Variants in GSN observed in about 807,000 individuals in gnomAD.
The protein encoded by GSN is gelsolin, also known as actin-depolymerizing factor.
GSN carries 56 observed loss-of-function variants against 85.7 expected under a neutral mutation model. The ratio of observed to expected loss-of-function variants is 0.65; its 90% CI spans 0.53 to 0.82. GSN has a LOEUF of 0.82. GSN is among the 40% of genes least tolerant of loss of function. The pLI is 0.00. For synonymous variants in GSN, 373 were observed against 399.1 expected (o/e 0.93, Z 0.78); for missense variants, 857 against 979.8 (o/e 0.87, Z 1.67).
rs1178130182 is a variant in GSN at position 121,329,046 on chromosome 9, T to C, written c.1887+31T>C. On this transcript the variant is annotated intron_variant, in intron 15 of 17. Transcript: ENST00000432226. This position sits in a 1 kb window ranked among gnomAD's most constrained non-coding sequence, Gnocchi z 4.6. ...CCCCTGCGGAGGTCACACCTCTGCT[T>C]TCCCCTCGGGAGGCGAGTTCCACAG... The C allele has an allele frequency of 1.2e-6, 2 of 1,611,486 alleles. No homozygotes were observed. The highest frequency in any genetic ancestry group is 3.3e-5 in the Admixed American group (2 of 59,878).
intron 4 of GSN, among the ~76,000 whole-genome samples, chr9:121,305,039 GTTTC>G (rs2060259007): frequency 6.6e-6 from 1 of 152,172 alleles, no homozygotes; most frequent in East Asian, 1.9e-4. Flanking sequence ...CCTAGTCACT[GTTTC>G]TTAGGGCATA....
At position 121,217,812 on chromosome 9, in the gene GSN, ATT is replaced by A. The variant is rs574772275; in HGVS notation, c.-528+6946_-528+6947del. On this transcript the variant is annotated intron_variant, in intron 4 of 24. Transcript: ENST00000373823. ...AATATAGAAATGTATTATTATTATT[ATT>A]ATTATTATTATTATTATTATTATAA... Among the ~76,000 whole-genome samples, 134 of 147,842 alleles carry A rather than the reference ATT, an allele frequency of 9.1e-4. 1 individual carries two copies. In the East Asian group the frequency reaches 0.019, roughly 21 times the overall value.
intron 4 of GSN, among the ~76,000 whole-genome samples, chr9:121,213,251 G>C (rs1312319837): frequency 6.6e-6 from 1 of 152,186 alleles, no homozygotes; most frequent in Non-Finnish European, 1.5e-5. Flanking sequence ...ATGGCTCCAA[G>C]CAGTCTACAT....
chr9:121,234,005 A>G (rs1219783860), intron 5 of GSN, among the ~76,000 whole-genome samples: 1 of 152,222 alleles, frequency 6.6e-6, no homozygotes, highest in Non-Finnish European at 1.5e-5. Flanking sequence ...TAGTGCTCTA[A>G]GATGTCAGGG....
chr9:121,239,662 A>G (rs1410848461), intron 5 of GSN: 3 of 296,600 alleles, frequency 1.0e-5, no homozygotes, highest in Non-Finnish European at 2.0e-5. Context: ...TTGGTTGGCC[A>G]TCGCATGATA....
At chr9:121,301,917 C>T in intron 2 of GSN, 46 bp from the exon 3 acceptor site, 1 of 1,613,308 alleles carries the variant, frequency 6.2e-7, no homozygotes. Context: ...GGGTCTCTCC[C>T]TGCCAGGACC....
At chr9:121,214,828 G>A (rs989451757) in intron 4 of GSN, among the ~76,000 whole-genome samples, 9 of 152,200 alleles carry the variant, frequency 5.9e-5, no homozygotes, top group Admixed American at 2.6e-4. Flanking sequence ...CCATCTGGCT[G>A]GAGATGTACC....
chr9:121,327,520 G>A lies in GSN; in HGVS notation c.1762+38G>A, dbSNP rs747954917. 88 of 1,512,226 alleles carry A rather than the reference G, an allele frequency of 5.8e-5. 2 individuals are homozygous for A. In the South Asian group the frequency reaches 1.0e-3, roughly 17 times the overall value. 93.7% of individuals were successfully genotyped at this position (1,512,226 alleles called of 1,614,324 possible). On this transcript the variant is annotated intron_variant, in intron 14 of 17. Coordinates refer to ENST00000432226, the MANE Select transcript of GSN (RefSeq NM_198252.3). Reference sequence around the variant, plus strand: ...GTGGGGGGCCTGCTGCTGTCCGGATGCAGCTATTAAGTTTCCCCCTTCTTT... The same window carrying A: ...GTGGGGGGCCTGCTGCTGTCCGGATACAGCTATTAAGTTTCCCCCTTCTTT...
chr9:121,271,214 C>A lies in GSN; in HGVS notation c.-103+2995C>A, dbSNP rs529231639. ...TGAAACCCTGTCTCTACTGAAAATA[C>A]GTGCTGGGATGCTCCTGTAATCCTA... On this transcript the variant is annotated intron_variant, in intron 1 of 17. Transcript: ENST00000432226. Among the ~76,000 whole-genome samples the A allele has an allele frequency of 2.0e-5, 3 of 152,142 alleles. No individual in the cohort carries two copies. In the East Asian group the frequency reaches 5.8e-4, roughly 29 times the overall value.
Position 121,329,618 on chromosome 9 carries a change from C to A in GSN, c.1965+303C>A, listed in dbSNP as rs1398906794. Among the ~76,000 whole-genome samples, 1 of 152,164 alleles carries A rather than the reference C, an allele frequency of 6.6e-6. No individual in the cohort carries two copies. The highest frequency in any genetic ancestry group is 1.9e-4 in the East Asian group (1 of 5,196). ...GACCTTGCAGGAGCGTGAACTCTTC[C>A]TTTAAATCTGTTGGCAGAGGAAGTT... On this transcript the variant is annotated intron_variant, in intron 16 of 17. Transcript: ENST00000432226. The surrounding 1 kb of genome is among the most constrained non-coding windows in gnomAD (Gnocchi z 4.6).
At chr9:121,279,537 C>T (rs1214853658) in intron 1 of GSN, among the ~76,000 whole-genome samples, 1 of 151,856 alleles carries the variant, frequency 6.6e-6, no homozygotes, top group Non-Finnish European at 1.5e-5. Flanking sequence ...CATGGTGATA[C>T]ACTGGAGGGG....
chr9:121,247,404 G>A (rs1030467438), intron 5 of GSN, among the ~76,000 whole-genome samples: 4 of 152,306 alleles, frequency 2.6e-5, no homozygotes, highest in Admixed American at 1.3e-4. Context: ...CGCAACAACT[G>A]TAGCCTTCCA....
chr9:121,305,469 G>A (rs1170340847), intron 4 of GSN, among the ~76,000 whole-genome samples: 2 of 152,206 alleles, frequency 1.3e-5, no homozygotes, highest in African/African-American at 4.8e-5. Context: ...AGGCTACTAA[G>A]GCACAGAGAT....
At chr9:121,286,840 G>GGC (rs780392446) in intron 2 of GSN, 1 of 1,182,696 alleles carries the variant, frequency 8.5e-7, no homozygotes, top group Non-Finnish European at 1.2e-6. Context: ...ATTCCTAATG[G>GGC]TGTAACCTTG....
At chr9:121,213,209 C>G (rs1014595295) in intron 4 of GSN, among the ~76,000 whole-genome samples, 1 of 152,104 alleles carries the variant, frequency 6.6e-6, no homozygotes, top group Admixed American at 6.5e-5. Flanking sequence ...TAAATAAACC[C>G]AGGGCAGCTG....
chr9:121,221,349 T>C lies in GSN; in HGVS notation c.-527-9816T>C, dbSNP rs148790534. Among the ~76,000 whole-genome samples the C allele has an allele frequency of 2.1e-3, 316 of 152,376 alleles. 4 individuals carry two copies. The highest frequency in any genetic ancestry group is 7.2e-3 in the African/African-American group (301 of 41,588). ...AGCCTGCTTTGCAAGGGCAGTTTAT[T>C]GAAGGCCTGGTCTTCATTAGGTCTT... is the stretch of plus-strand genomic sequence containing the variant. On this transcript the variant is annotated intron_variant, in intron 4 of 24. Transcript: ENST00000373823.
intron 5 of GSN, chr9:121,238,087 G>C (rs1201581418): frequency 1.3e-5 from 2 of 152,320 alleles, no homozygotes; most frequent in Non-Finnish European, 2.9e-5. Context: ...CATTTCACAA[G>C]TATATTAAGC....
At chr9:121,331,350 ACTC>A (rs1248524054) in intron 16 of GSN, 35 bp from the exon 17 acceptor site, 1 of 1,369,940 alleles carries the variant, frequency 7.3e-7, no homozygotes, top group Admixed American at 1.7e-5. Context: ...TTTGATCAGC[ACTC>A]CTCATGTACC....
chr9:121,276,542 C>A (rs1244237529), intron 1 of GSN, among the ~76,000 whole-genome samples: 3 of 152,200 alleles, frequency 2.0e-5, no homozygotes, highest in Admixed American at 6.5e-5. Context: ...AGCGCACCCC[C>A]CCGACTGCCT....
Sources: gnomAD v4.1 joint callset for allele counts (sites outside exome capture counted in the v4.1 genomes callset) on GRCh38, gnomAD v4.1.1 for gene constraint, Gnocchi (gnomAD v3.1) non-coding constraint, MANE v1.5 for transcripts, NCBI Gene and HGNC (gene_info 2026-07-23, HGNC 2026-07-21) for gene names.